The following MMRN1 variants were observed in gnomAD, a reference collection of about 807,000 sequenced individuals.
The protein encoded by MMRN1 is multimerin-1.
Under a neutral mutation model 100.7 loss-of-function variants are expected in MMRN1, and 94 were observed. The ratio of observed to expected loss-of-function variants is 0.93; its 90% CI spans 0.79 to 1.11. The LOEUF (loss-of-function observed/expected upper bound fraction) is 1.11. MMRN1 is among the 50% of genes least tolerant of loss of function. The probability of loss-of-function intolerance (pLI) is 0.00; values close to 1 mark genes in which losing one functional copy is unlikely to be tolerated. For synonymous variants in MMRN1, 575 were observed against 505.0 expected, an observed-to-expected ratio of 1.14 and a Z score of -1.86; for missense variants, 1,606 against 1,439.1, an observed-to-expected ratio of 1.12 and a Z score of -1.88.
In MMRN1 at chr4:89,909,303, G is replaced by T. The variant is rs1721667073; in HGVS notation, c.651G>T (p.Arg217Ser). The T allele has an allele frequency of 2.5e-6, 4 of 1,609,564 alleles. No homozygotes were observed. Among genetic ancestry groups the T allele is most frequent in the Non-Finnish European group, 2.5e-6 (3 of 1,177,246 alleles). The change falls in exon 2 of 8, where the codon AGG becomes AGT. Residue 217 changes from arginine to serine, a missense_variant. Physicochemically the swap from Arg to Ser is moderately radical, Grantham distance 110 (BLOSUM62 -1). Transcript: ENST00000264790. ...GKNWCAYVHT[R>S]LSPTVILDNQ... ...ATTGGTGTGCTTATGTACATACCAG[G>T]TTATCTCCCACAGTGATATTGGACA...
chr4:89,891,289 G>A (rs1198633239), upstream of MMRN1, among the ~76,000 whole-genome samples: 2 of 151,666 alleles, frequency 1.3e-5, no homozygotes, highest in East Asian at 3.9e-4. Context: ...TCTTTTGTGT[G>A]GCTATAATAA....
upstream of MMRN1, among the ~76,000 whole-genome samples, chr4:89,891,929 A>G (rs894162948): frequency 1.3e-5 from 2 of 152,038 alleles, no homozygotes; most frequent in African/African-American, 4.8e-5. Context: ...GCAGCTATAA[A>G]AATGCTTTGA....
At position 89,937,494 on chromosome 4, in the gene MMRN1, G is replaced by A. The variant is rs113287216; in HGVS notation, c.3118+696G>A. ...AAATGTTGGAAAGTTCCCATCAACA[G>A]AAACAGAGGGAGAGTGGCAAGAAAA... On this transcript the variant is annotated intron_variant, in intron 6 of 7. Transcript: ENST00000264790. Among the ~76,000 whole-genome samples, 1,250 of 152,170 alleles carry A rather than the reference G, an allele frequency of 8.2e-3. 21 individuals are homozygous for A. Among genetic ancestry groups the A allele is most frequent in the African/African-American group, 0.026 (1,090 of 41,552 alleles).
chr4:89,904,008 A>T lies in MMRN1; in HGVS notation c.624-5268A>T, dbSNP rs536803166. 9.2e-5 allele frequency among the ~76,000 whole-genome samples: 14 copies of T among 151,754 alleles called. No homozygotes were observed. The East Asian group carries it at 2.5e-3, about 27-fold the overall frequency. On this transcript the variant is annotated intron_variant, in intron 1 of 7. Transcript: ENST00000264790. ...CTTGTCCAGCAGGCAGAACTTCATC[A>T]TCAGAAATGACCTTCTAATTCTGAT...
intron 1 of MMRN1, among the ~76,000 whole-genome samples, chr4:89,897,706 T>C (rs1442137): frequency 0.088 from 13,419 of 152,238 alleles, 786 homozygotes; most frequent in East Asian, 0.24. Flanking sequence ...CTTTCAAATG[T>C]TGGGAACAAT....
chr4:89,888,066 CAATT>C lies in MMRN1; in HGVS notation c.-248-6656_-248-6653del, dbSNP rs1720975540. Reference sequence around the variant, plus strand: ...TTTGACTCTATAATAAAGATAATATCAATTATCTACATTTTTTAATTGATAAGAT... The same window carrying C: ...TTTGACTCTATAATAAAGATAATATCATCTACATTTTTTAATTGATAAGAT... On this transcript the variant is annotated intron_variant, in intron 1 of 8. Coordinates refer to the MMRN1 transcript ENST00000394980. Among the ~76,000 whole-genome samples the C allele has an allele frequency of 5.3e-5, 8 of 151,564 alleles. No homozygotes were observed. In the South Asian group the frequency reaches 1.5e-3, roughly 28 times the overall value.
chr4:89,903,453 A>C (rs1721454787), intron 1 of MMRN1, among the ~76,000 whole-genome samples: 2 of 151,728 alleles, frequency 1.3e-5, no homozygotes, highest in South Asian at 4.1e-4. Flanking sequence ...GACTTGAAAC[A>C]TACAAGCAAT....
chr4:89,893,256 TA>T (rs1721094810), upstream of MMRN1, among the ~76,000 whole-genome samples: 1 of 152,098 alleles, frequency 6.6e-6, no homozygotes, highest in Non-Finnish European at 1.5e-5. Context: ...GGATGCTTTT[TA>T]CTCCATATCA....
intron 2 of MMRN1, 146 bp downstream of exon 2, chr4:89,909,541 C>T: frequency 9.7e-7 from 1 of 1,027,738 alleles, no homozygotes; most frequent in Non-Finnish European, 1.4e-6. Context: ...AGTGAAAATG[C>T]AGACACTAAT....
Position 89,954,141 on chromosome 4 carries a change from T to G in MMRN1, c.*723T>G, listed in dbSNP as rs1488728178. ...AGTCTTTTTCTAATAAGTATTCTTC[T>G]ATGGTAGTACCTACAGATCTGCCCT... On this transcript the variant is annotated 3_prime_UTR_variant, in exon 8 of 8. Transcript: ENST00000264790. 2.6e-5 allele frequency: 4 copies of G among 152,250 alleles called. No individual in the cohort carries two copies. The highest frequency in any genetic ancestry group is 9.7e-5 in the African/African-American group (4 of 41,442). The allele number at this position is 152,250 out of a possible 1,614,324, so 9.4% of individuals were successfully genotyped here.
chr4:89,945,641 ACT>A (rs1386037073), intron 6 of MMRN1, among the ~76,000 whole-genome samples: 2 of 152,074 alleles, frequency 1.3e-5, no homozygotes, highest in Non-Finnish European at 2.9e-5. Context: ...GATGGTTATA[ACT>A]CTAAAGAAAA....
chr4:89,932,411 A>G (rs1243504780), intron 5 of MMRN1, among the ~76,000 whole-genome samples: 1 of 152,144 alleles, frequency 6.6e-6, no homozygotes, highest in Non-Finnish European at 1.5e-5. Flanking sequence ...TGGGGTCTGC[A>G]GGAGAGTAGC....
chr4:89,922,261 C>T (rs943075139), intron 3 of MMRN1, among the ~76,000 whole-genome samples: 3 of 151,930 alleles, frequency 2.0e-5, no homozygotes, highest in African/African-American at 7.3e-5. Flanking sequence ...CCTGAGCCAC[C>T]ACATCTGACT....
chr4:89,904,779 G>A (rs1273923415), intron 1 of MMRN1, among the ~76,000 whole-genome samples: 1 of 151,650 alleles, frequency 6.6e-6, no homozygotes, highest in Non-Finnish European at 1.5e-5. Flanking sequence ...GGGAGAACAT[G>A]TACTCTGACT....
rs759785778 is a variant in MMRN1 at position 89,936,236 on chromosome 4, C to G, written c.2556C>G (p.Thr852=). ...SHLEEKLLLT[T]KISKNFETRL... The stretch of plus-strand genomic sequence containing the variant: ...TGGAAGAAAAACTACTCTTAACTAC[C>G]AAGATTTCCAAAAATTTTGAGACTC... The change falls in exon 6 of 8, where the codon ACC becomes ACG. Residue 852 remains threonine, a synonymous_variant. Coordinates refer to ENST00000264790, the MANE Select transcript of MMRN1 (RefSeq NM_007351.3). 1 of 1,603,970 alleles carries G rather than the reference C, an allele frequency of 6.2e-7. No individual in the cohort carries two copies. The highest frequency in any genetic ancestry group is 1.3e-5 in the African/African-American group (1 of 74,260).
intron 5 of MMRN1, 60 bp from the exon 6 acceptor site, chr4:89,934,750 A>T: frequency 2.1e-6 from 2 of 961,730 alleles, no homozygotes; most frequent in Non-Finnish European, 2.9e-6. Flanking sequence ...TTTATCTTTT[A>T]GAGATGCTTA....
chr4:89,892,175 T>C (rs1320637778), upstream of MMRN1, among the ~76,000 whole-genome samples: 2 of 151,782 alleles, frequency 1.3e-5, no homozygotes, highest in African/African-American at 2.4e-5. Flanking sequence ...AAAAATGACA[T>C]AAAAATCTCC....
chr4:89,884,320 C>CAA (rs1390279436), intron 1 of MMRN1, among the ~76,000 whole-genome samples: 1 of 151,934 alleles, frequency 6.6e-6, no homozygotes, highest in African/African-American at 2.4e-5. Context: ...TCAAGTTTTC[C>CAA]AGTCCTTGAA....
chr4:89,947,436 T>C (rs1409014330), intron 6 of MMRN1, among the ~76,000 whole-genome samples: 1 of 152,226 alleles, frequency 6.6e-6, no homozygotes, highest in East Asian at 1.9e-4. Context: ...TATTAATTTG[T>C]CTATTCATTT....
Sources: allele counts gnomAD v4.1 joint callset (sites outside exome capture counted in the v4.1 genomes callset), GRCh38; gene constraint gnomAD v4.1.1; transcripts MANE v1.5; gene names NCBI Gene and HGNC (gene_info 2026-07-23, HGNC 2026-07-21).